The following ARFIP1 variants were observed in gnomAD, a reference collection of about 807,000 sequenced individuals.
ARFIP1 encodes ARF interacting protein 1, also known as arfaptin-1.
ARFIP1 carries 24 observed loss-of-function variants against 42.5 expected under a neutral mutation model. The observed-to-expected ratio is 0.57, with a 90% CI of 0.41 to 0.80. The LOEUF is 0.80. Ranked by LOEUF, ARFIP1 falls within the 30% of genes least tolerant of loss-of-function variation. The pLI is 0.00. For missense variants in ARFIP1, 354 were observed against 434.0 expected, an observed-to-expected ratio of 0.82 and a Z score of 1.64; for synonymous variants, 141 against 153.7, an observed-to-expected ratio of 0.92 and a Z score of 0.61.
intron 2 of ARFIP1, among the ~76,000 whole-genome samples, chr4:152,855,623 C>G (rs1008058376): frequency 6.6e-6 from 1 of 152,196 alleles, no homozygotes; most frequent in African/African-American, 2.4e-5. Context: ...CTGTTGGGAG[C>G]AGAGCTCTGA....
chr4:152,801,696 A>G (rs957524367), intron 1 of ARFIP1, among the ~76,000 whole-genome samples: 21 of 152,228 alleles, frequency 1.4e-4, no homozygotes, highest in African/African-American at 5.1e-4. Flanking sequence ...TCTGTTTTAG[A>G]AAAGTACATT....
chr4:152,781,234 C>CT (rs535397594), intron 1 of ARFIP1, among the ~76,000 whole-genome samples: 42,412 of 118,824 alleles, frequency 0.36, 8,623 homozygotes, highest in Admixed American at 0.46. Context: ...TTTCTTTTTT[C>CT]TTTTTTTTTT....
chr4:152,906,529 C>G (rs1282187695), intron 8 of ARFIP1, among the ~76,000 whole-genome samples: 1 of 152,170 alleles, frequency 6.6e-6, no homozygotes, highest in East Asian at 1.9e-4. Flanking sequence ...TTCAGAATCC[C>G]ACCTCTTCTC....
At chr4:152,885,829 G>T (rs1736213470) in intron 7 of ARFIP1, among the ~76,000 whole-genome samples, 1 of 151,658 alleles carries the variant, frequency 6.6e-6, no homozygotes, top group South Asian at 2.1e-4. Context: ...TAGTGTGCTT[G>T]CTTCTAGATA....
chr4:152,829,656 A>T lies in ARFIP1; in HGVS notation c.23A>T (p.Asn8Ile). Residue 8 changes from asparagine to isoleucine, a missense_variant, in exon 2 of 9, where the codon AAT becomes ATT. By Grantham distance (149) the Asn-to-Ile change is moderately radical. Transcript: ENST00000353617. MAQESPK[N>I]SAAEIPVTSN... The stretch of plus-strand genomic sequence containing the variant: ...ACCATGGCTCAAGAATCTCCCAAAA[A>T]TTCAGCAGCAGAAATTCCAGTGACT... 6.2e-7 allele frequency: 1 copy of T among 1,612,276 alleles called. No homozygotes were observed. The highest frequency in any genetic ancestry group is 8.5e-7 in the Non-Finnish European group (1 of 1,178,856).
chr4:152,830,576 C>T (rs775313302), intron 2 of ARFIP1, among the ~76,000 whole-genome samples: 13 of 152,116 alleles, frequency 8.5e-5, no homozygotes, highest in Admixed American at 3.3e-4. Context: ...GGACTCTTTA[C>T]TCCATGTGTT....
chr4:152,904,665 G>T (rs907601484), intron 8 of ARFIP1, among the ~76,000 whole-genome samples: 2 of 151,958 alleles, frequency 1.3e-5, no homozygotes, highest in Non-Finnish European at 2.9e-5. Flanking sequence ...TTTTGTTCCT[G>T]TGTTAGTTTG....
chr4:152,834,558 A>T (rs898147589), intron 2 of ARFIP1, among the ~76,000 whole-genome samples: 1 of 152,236 alleles, frequency 6.6e-6, no homozygotes, highest in Non-Finnish European at 1.5e-5. Flanking sequence ...CCCAGCAGGG[A>T]AATCATTAAA....
chr4:152,860,251 G>A (rs888723258), intron 2 of ARFIP1, among the ~76,000 whole-genome samples: 2 of 152,136 alleles, frequency 1.3e-5, no homozygotes, highest in Non-Finnish European at 2.9e-5. Flanking sequence ...CTATTTGCCT[G>A]GGGTTATGCA....
intron 1 of ARFIP1, among the ~76,000 whole-genome samples, chr4:152,814,990 T>C (rs1444176926): frequency 6.6e-6 from 1 of 152,208 alleles, no homozygotes; most frequent in Non-Finnish European, 1.5e-5. Flanking sequence ...GGAGGTTCAG[T>C]AGGGTCTTTG....
At chr4:152,832,866 C>G (rs1016313625) in intron 2 of ARFIP1, among the ~76,000 whole-genome samples, 2 of 152,116 alleles carry the variant, frequency 1.3e-5, no homozygotes, top group African/African-American at 4.8e-5. Context: ...TAAATTGGAT[C>G]TTTATCTTAC....
At chr4:152,863,151 G>C (rs553094561) in intron 2 of ARFIP1, among the ~76,000 whole-genome samples, 1 of 152,122 alleles carries the variant, frequency 6.6e-6, no homozygotes, top group African/African-American at 2.4e-5. Flanking sequence ...AGTCAGAGAA[G>C]CCCTCTTGAA....
intron 8 of ARFIP1, among the ~76,000 whole-genome samples, chr4:152,902,871 C>G (rs762653251): frequency 3.9e-5 from 6 of 152,174 alleles, no homozygotes; most frequent in Non-Finnish European, 8.8e-5. Context: ...TTGACTTTTA[C>G]AAGGTCAAAT....
chr4:152,803,760 A>T (rs1728608397), intron 1 of ARFIP1, among the ~76,000 whole-genome samples: 1 of 151,890 alleles, frequency 6.6e-6, no homozygotes, highest in South Asian at 2.1e-4. Flanking sequence ...AGGCTCTGGG[A>T]TTAGCAGAAG....
chr4:152,874,275 C>T (rs1735138601), intron 5 of ARFIP1, among the ~76,000 whole-genome samples: 1 of 152,108 alleles, frequency 6.6e-6, no homozygotes, highest in Non-Finnish European at 1.5e-5. Flanking sequence ...ATGAAAATGA[C>T]AACTCTTTAA....
At chr4:152,801,477 C>T in intron 1 of ARFIP1, among the ~76,000 whole-genome samples, 1 of 152,144 alleles carries the variant, frequency 6.6e-6, no homozygotes. Flanking sequence ...ATGGCTTTCC[C>T]TAGAGTAAAT....
At chr4:152,821,566 T>C (rs1361346335) in intron 1 of ARFIP1, among the ~76,000 whole-genome samples, 1 of 152,128 alleles carries the variant, frequency 6.6e-6, no homozygotes, top group Non-Finnish European at 1.5e-5. Flanking sequence ...TTGGAAAACT[T>C]ATTTAAGGGA....
chr4:152,780,777 C>G (rs186450222), intron 1 of ARFIP1, among the ~76,000 whole-genome samples: 106 of 152,336 alleles, frequency 7.0e-4, no homozygotes, highest in African/African-American at 2.5e-3. Context: ...GTCTTCTGCT[C>G]CGTTCCTGTT....
At chr4:152,803,186 C>T (rs922015825) in intron 1 of ARFIP1, among the ~76,000 whole-genome samples, 1 of 152,046 alleles carries the variant, frequency 6.6e-6, no homozygotes, top group Non-Finnish European at 1.5e-5. Flanking sequence ...TTATGAGCCA[C>T]GTTATCACGA....
Sources: allele counts gnomAD v4.1 joint callset (sites outside exome capture counted in the v4.1 genomes callset), GRCh38; gene constraint gnomAD v4.1.1; transcripts MANE v1.5; gene names NCBI Gene and HGNC (gene_info 2026-07-23, HGNC 2026-07-21).